Variants in NDRG4 observed in about 807,000 individuals in gnomAD.
The protein encoded by NDRG4 is protein NDRG4.
NDRG4 carries 38 observed loss-of-function variants against 55.8 expected under a neutral mutation model. The observed-to-expected ratio is 0.68, with a 90% confidence interval of 0.53 to 0.89. NDRG4 has a LOEUF of 0.89. Among genes scored for constraint, NDRG4 ranks in the 40% least tolerant of loss-of-function variants. The probability of loss-of-function intolerance (pLI) is 0.00; values close to 1 mark genes in which losing one functional copy is unlikely to be tolerated. For synonymous variants in NDRG4, 190 were observed against 182.7 expected (o/e 1.04, Z -0.32); for missense variants, 455 against 468.6 (o/e 0.97, Z 0.27).
intron 1 of NDRG4, among the ~76,000 whole-genome samples, chr16:58,479,251 T>C (rs1269683062): frequency 1.3e-5 from 2 of 152,158 alleles, no homozygotes; most frequent in African/African-American, 4.8e-5. Flanking sequence ...CTTAATTGCA[T>C]ATTTTAGAAT....
At chr16:58,477,901 T>C (rs2033889360) in intron 1 of NDRG4, among the ~76,000 whole-genome samples, 1 of 152,174 alleles carries the variant, frequency 6.6e-6, no homozygotes, top group Non-Finnish European at 1.5e-5. Flanking sequence ...AGAGAGCTCC[T>C]TATCAAGGGA....
At chr16:58,496,671 G>A (rs1379982268), upstream of NDRG4, among the ~76,000 whole-genome samples, 1 of 152,124 alleles carries the variant, frequency 6.6e-6, no homozygotes, top group Non-Finnish European at 1.5e-5. Context: ...CGCATTTTCA[G>A]GGAGACAGGC....
intron 1 of NDRG4, among the ~76,000 whole-genome samples, chr16:58,476,130 A>T (rs9926973): frequency 0.76 from 116,304 of 152,248 alleles, 45,460 homozygotes; most frequent in African/African-American, 0.94. Context: ...GCCTGAAAGT[A>T]ACATGCTTCC....
At chr16:58,465,504 G>C (rs1031071566) in intron 1 of NDRG4, among the ~76,000 whole-genome samples, 19 of 151,462 alleles carry the variant, frequency 1.3e-4, no homozygotes, top group African/African-American at 4.1e-4. Flanking sequence ...GGCTTGTTCG[G>C]GGAGAGGTAT....
chr16:58,507,212 G>T lies in NDRG4; in HGVS notation c.620+197G>T, dbSNP rs558517634. 5.2e-6 allele frequency: 3 copies of T among 579,566 alleles called. No individual in the cohort carries two copies. The African/African-American group carries it at 5.6e-5, about 11-fold the overall frequency. The allele number at this position is 579,566 out of a possible 1,614,324, so 35.9% of individuals were successfully genotyped here. On this transcript the variant is annotated intron_variant, in intron 8 of 14. Transcript: ENST00000570248. ...AGAGGGGAACAGGGTTTCAGACTCC[G>T]GGCCTTGGGCTCTTCCACTTTTCCT...
chr16:58,510,550 C>A, intron 13 of NDRG4, 95 bp from the exon 14 acceptor site: 4 of 1,062,988 alleles, frequency 3.8e-6, no homozygotes, highest in South Asian at 2.7e-5. Context: ...ATCTCTCTGG[C>A]TCATCTCAAT....
At chr16:58,466,269 G>T (rs2031662103) in intron 1 of NDRG4, among the ~76,000 whole-genome samples, 1 of 152,210 alleles carries the variant, frequency 6.6e-6, no homozygotes, top group South Asian at 2.1e-4. Flanking sequence ...ACCTGCCCCT[G>T]CCTCCTAAAG....
intron 1 of NDRG4, among the ~76,000 whole-genome samples, chr16:58,466,156 A>G (rs1473240142): frequency 6.6e-6 from 1 of 152,218 alleles, no homozygotes; most frequent in African/African-American, 2.4e-5. Context: ...AGCTGGGATT[A>G]CAGGCACGCG....
intron 1 of NDRG4, among the ~76,000 whole-genome samples, chr16:58,474,783 C>T (rs2033398346): frequency 6.6e-6 from 1 of 152,188 alleles, no homozygotes; most frequent in Admixed American, 6.5e-5. Context: ...TATGGACATT[C>T]GGGCCCAAAC....
intron 1 of NDRG4, chr16:58,472,413 A>C (rs1169861654): frequency 6.6e-6 from 1 of 152,280 alleles, no homozygotes; most frequent in Non-Finnish European, 1.5e-5. Flanking sequence ...GGAGTAGAGC[A>C]TGGTGTTGCC....
chr16:58,492,925 G>A (rs2035971260), intron 2 of NDRG4, among the ~76,000 whole-genome samples: 1 of 151,882 alleles, frequency 6.6e-6, no homozygotes, highest in Non-Finnish European at 1.5e-5. Flanking sequence ...TCCCTGCAGA[G>A]CCACCACAGG....
chr16:58,509,344 T>G lies in NDRG4; in HGVS notation c.857T>G (p.Met286Arg). 6.2e-7 allele frequency: 1 copy of G among 1,613,760 alleles called. No homozygotes were observed. Among genetic ancestry groups the G allele is most frequent in the Non-Finnish European group, 8.5e-7 (1 of 1,179,988 alleles). Residue 286 changes from methionine (M) to arginine (R), a missense_variant, in exon 13 of 15, where the codon ATG (methionine) becomes AGG (arginine). Transcript: ENST00000570248. ...TEAFKYFLQG[M>R]GYIAYLKDRR... Reference sequence around the variant, plus strand: ...GCCTTCAAATACTTCCTGCAAGGCATGGGCTACAGTGAGTACATTTCCACC... The same window carrying G: ...GCCTTCAAATACTTCCTGCAAGGCAGGGGCTACAGTGAGTACATTTCCACC...
intron 2 of NDRG4, among the ~76,000 whole-genome samples, chr16:58,490,083 C>G (rs2035597924): frequency 1.3e-5 from 2 of 152,178 alleles, no homozygotes; most frequent in Admixed American, 6.5e-5. Context: ...TGCAAGTGAT[C>G]CTCCTACCTC....
At chr16:58,496,710 C>T (rs1220100011), upstream of NDRG4, among the ~76,000 whole-genome samples, 2 of 152,116 alleles carry the variant, frequency 1.3e-5, no homozygotes, top group East Asian at 1.9e-4. Context: ...GTTTCTAAGG[C>T]GATGGTGCCC....
At position 58,504,828 on chromosome 16, in the gene NDRG4, C is replaced by T. The variant is rs988680690; in HGVS notation, c.372+179C>T. On this transcript the variant is annotated intron_variant, in intron 5 of 14. Transcript: ENST00000570248. ...TTCTTTTTTCCTCCAGGGAAATTAA[C>T]TTTTTTAAAAAAGAGGTTCCTTTCT... 2.3e-4 allele frequency: 147 copies of T among 635,212 alleles called. 2 individuals are homozygous for T. Among genetic ancestry groups the T allele is most frequent in the Admixed American group, 7.8e-4 (25 of 31,908 alleles). 39.3% of individuals were successfully genotyped at this position (635,212 alleles called of 1,614,324 possible).
intron 1 of NDRG4, among the ~76,000 whole-genome samples, chr16:58,467,607 A>T (rs920015008): frequency 6.6e-6 from 1 of 152,084 alleles, no homozygotes; most frequent in Non-Finnish European, 1.5e-5. Context: ...TCATGTTCCT[A>T]TTTCTCAGAA....
At chr16:58,493,610 AGTCCAGTGCTGG>A (rs2036040405) in intron 2 of NDRG4, among the ~76,000 whole-genome samples, 1 of 152,208 alleles carries the variant, frequency 6.6e-6, no homozygotes, top group South Asian at 2.1e-4. Flanking sequence ...TAGCAGGCAC[AGTCCAGTGCTGG>A]GATACAAAGG....
chr16:58,477,051 C>T (rs989841042), intron 1 of NDRG4, among the ~76,000 whole-genome samples: 1 of 151,574 alleles, frequency 6.6e-6, no homozygotes, highest in Non-Finnish European at 1.5e-5. Flanking sequence ...ACGGGGGAAG[C>T]TAGAATGCAC....
At chr16:58,500,868 C>T in intron 1 of NDRG4, 1 of 570,514 alleles carries the variant, frequency 1.8e-6, no homozygotes, top group Non-Finnish European at 2.6e-6. Flanking sequence ...TCCCAGGGCT[C>T]TGCTGCGCCA....
Sources: gnomAD v4.1 joint callset for allele counts (sites outside exome capture counted in the v4.1 genomes callset) on GRCh38, gnomAD v4.1.1 for gene constraint, MANE v1.5 for transcripts, NCBI Gene and HGNC (gene_info 2026-07-23, HGNC 2026-07-21) for gene names.